Variants in NAALADL2 observed in about 807,000 individuals in gnomAD.
NAALADL2 encodes the protein N-acetylated alpha-linked acidic dipeptidase like 2.
Under a neutral mutation model 87.2 loss-of-function variants are expected in NAALADL2, and 76 were observed. That is an observed-to-expected ratio of 0.87 (90% CI 0.72 to 1.05). The LOEUF (loss-of-function observed/expected upper bound fraction) is 1.05, where lower values mean the gene tolerates loss of function less well. Among genes scored for constraint, NAALADL2 ranks in the 50% least tolerant of loss-of-function variants. The pLI is 0.00. For synonymous variants in NAALADL2, 354 were observed against 331.0 expected (o/e 1.07, Z -0.75); for missense variants, 1,089 against 945.8 (o/e 1.15, Z -1.99).
chr3:174,931,110 T>G (rs2108417734), intron 1 of NAALADL2, among the ~76,000 whole-genome samples: 1 of 152,234 alleles, frequency 6.6e-6, no homozygotes, highest in African/African-American at 2.4e-5. Context: ...AAACAAGTAT[T>G]TCGGGGCTGA....
intron 2 of NAALADL2, among the ~76,000 whole-genome samples, chr3:174,670,248 C>T (rs1025250578): frequency 6.6e-6 from 1 of 151,664 alleles, no homozygotes; most frequent in Admixed American, 6.6e-5. Context: ...CTCCTAGTTG[C>T]TCTGGCTAGG....
intron 5 of NAALADL2, among the ~76,000 whole-genome samples, chr3:175,346,241 C>T (rs544037950): frequency 6.6e-6 from 1 of 152,084 alleles, no homozygotes; most frequent in Admixed American, 6.6e-5. Flanking sequence ...CAGAGATAAA[C>T]TTCACTGATT....
chr3:175,221,355 T>G (rs1375490626), intron 2 of NAALADL2, among the ~76,000 whole-genome samples: 1 of 152,182 alleles, frequency 6.6e-6, no homozygotes, highest in Non-Finnish European at 1.5e-5. Context: ...ATATATACTG[T>G]GTGGTTTTTG....
At chr3:175,656,236 T>A (rs1171260281) in intron 11 of NAALADL2, among the ~76,000 whole-genome samples, 1 of 152,194 alleles carries the variant, frequency 6.6e-6, no homozygotes. Context: ...GTCCCACTAT[T>A]CAAATACATA....
chr3:175,649,795 T>C (rs1333697448), intron 11 of NAALADL2, among the ~76,000 whole-genome samples: 1 of 152,174 alleles, frequency 6.6e-6, no homozygotes, highest in Admixed American at 6.5e-5. Context: ...GTGGTTAGGA[T>C]TTCAACATAT....
At chr3:174,519,326 C>CTTTTTTTTTTTTTT (rs557612913) in intron 1 of NAALADL2, among the ~76,000 whole-genome samples, 11 of 128,910 alleles carry the variant, frequency 8.5e-5, no homozygotes, top group African/African-American at 2.9e-4. Context: ...TGAAGATTTC[C>CTTTTTTTTTTTTTT]TTTTTTTTTT....
At chr3:175,116,063 G>T (rs1446649505) in intron 2 of NAALADL2, among the ~76,000 whole-genome samples, 1 of 151,866 alleles carries the variant, frequency 6.6e-6, no homozygotes, top group African/African-American at 2.4e-5. Context: ...CAATAAACTA[G>T]GTATTGATGG....
chr3:174,822,941 A>G (rs1424296448), intron 3 of NAALADL2, among the ~76,000 whole-genome samples: 2 of 152,334 alleles, frequency 1.3e-5, no homozygotes, highest in Admixed American at 6.5e-5. Flanking sequence ...CATTCTCACA[A>G]ATAAACAAAT....
At chr3:175,116,182 A>G (rs112818265) in intron 2 of NAALADL2, among the ~76,000 whole-genome samples, 4 of 152,208 alleles carry the variant, frequency 2.6e-5, no homozygotes, top group African/African-American at 9.6e-5. Flanking sequence ...CAAGACAGGG[A>G]TGCCCTCTCT....
At chr3:175,636,788 T>C (rs138142782) in intron 11 of NAALADL2, among the ~76,000 whole-genome samples, 17 of 152,028 alleles carry the variant, frequency 1.1e-4, no homozygotes, top group African/African-American at 4.1e-4. Context: ...TCTGTAAGCA[T>C]GTATATTAGC....
chr3:174,996,213 A>AT (rs1747430782), intron 1 of NAALADL2, among the ~76,000 whole-genome samples: 1 of 152,126 alleles, frequency 6.6e-6, no homozygotes, highest in South Asian at 2.1e-4. Context: ...AATGTACTGA[A>AT]TTGGCTGGGC....
intron 3 of NAALADL2, among the ~76,000 whole-genome samples, chr3:175,255,894 A>G (rs1182288386): frequency 6.6e-6 from 1 of 152,160 alleles, no homozygotes; most frequent in Non-Finnish European, 1.5e-5. Flanking sequence ...GCACGACTCA[A>G]GGATTTGTCA....
At chr3:175,685,679 G>A (rs928118736) in intron 11 of NAALADL2, among the ~76,000 whole-genome samples, 22 of 152,048 alleles carry the variant, frequency 1.4e-4, no homozygotes, top group Admixed American at 8.5e-4. Flanking sequence ...AGGTGATGGT[G>A]TAGTTTCCAT....
intron 11 of NAALADL2, among the ~76,000 whole-genome samples, chr3:175,674,708 G>T (rs1023568242): frequency 6.6e-6 from 1 of 152,030 alleles, no homozygotes; most frequent in African/African-American, 2.4e-5. Context: ...GTTTAAAAAT[G>T]AGGATCATTT....
In NAALADL2 at chr3:175,256,573, G is replaced by T. The variant is rs544400306; in HGVS notation, c.939+43G>T. 11 of 1,587,740 alleles carry T rather than the reference G, an allele frequency of 6.9e-6. No individual in the cohort carries two copies. The South Asian group carries it at 1.3e-4, about 18-fold the overall frequency. On this transcript the variant is annotated intron_variant, in intron 4 of 13. Transcript: ENST00000454872. ...TATTCAGTGGTTTGGTCAATATTTT[G>T]CCTTGTTTTGTTGGAATTATATGCT...
chr3:174,598,682 T>C (rs1023976967), intron 2 of NAALADL2, among the ~76,000 whole-genome samples: 1 of 152,132 alleles, frequency 6.6e-6, no homozygotes, highest in Non-Finnish European at 1.5e-5. Context: ...AGTAACTTAG[T>C]AAAATTAAGG....
intron 1 of NAALADL2, among the ~76,000 whole-genome samples, chr3:174,951,284 A>G (rs1221227543): frequency 6.6e-6 from 1 of 151,576 alleles, no homozygotes; most frequent in African/African-American, 2.4e-5. Context: ...AATTCTCAGG[A>G]GGCAAGAATA....
intron 2 of NAALADL2, among the ~76,000 whole-genome samples, chr3:174,599,406 A>G (rs1014305623): frequency 1.4e-4 from 22 of 152,168 alleles, no homozygotes; most frequent in Admixed American, 1.0e-3. Context: ...GTTCTTCCCT[A>G]ACACATAATT....
rs183241769 is a variant in NAALADL2 at position 175,282,014 on chromosome 3, A to G, written c.939+25484A>G. Among the ~76,000 whole-genome samples, 175 of 152,134 alleles carry G rather than the reference A, an allele frequency of 1.2e-3. No individual in the cohort carries two copies. In the Middle Eastern group the frequency reaches 0.021, roughly 18 times the overall value. The stretch of plus-strand genomic sequence containing the variant: ...ATTTGCATCTCTACATGATGAATTA[A>G]TATAGGGATCATGTTTTATACTTCA... On this transcript the variant is annotated intron_variant, in intron 4 of 13. Transcript: ENST00000454872.
Sources: gnomAD v4.1 joint callset for allele counts (sites outside exome capture counted in the v4.1 genomes callset) on GRCh38, gnomAD v4.1.1 for gene constraint, MANE v1.5 for transcripts, NCBI Gene and HGNC (gene_info 2026-07-23, HGNC 2026-07-21) for gene names.